The following RNGTT variants were observed in gnomAD, a reference collection of about 807,000 sequenced individuals.
RNGTT encodes RNA guanylyltransferase and 5'-phosphatase.
RNGTT carries 33 observed loss-of-function variants against 79.3 expected under a neutral mutation model. That is an observed-to-expected ratio of 0.42 (90% confidence interval 0.32 to 0.56). RNGTT has a LOEUF of 0.56. Among genes scored for constraint, RNGTT ranks in the 20% least tolerant of loss-of-function variants. The probability of loss-of-function intolerance (pLI) is 0.17; values close to 1 mark genes in which losing one functional copy is unlikely to be tolerated. For synonymous variants in RNGTT, 222 were observed against 235.9 expected (o/e 0.94, Z 0.54); for missense variants, 497 against 739.1 (o/e 0.67, Z 3.80).
chr6:88,798,782 G>A (rs1157112380), intron 12 of RNGTT, among the ~76,000 whole-genome samples: 1 of 152,154 alleles, frequency 6.6e-6, no homozygotes, highest in African/African-American at 2.4e-5. Context: ...TGGAAGAACA[G>A]AATCAGAAAT....
chr6:88,611,114 A>G lies in RNGTT; in HGVS notation c.*1605T>C, dbSNP rs1424780759. ...GGCGTTTTGGATAAATTCACTATAC[A>G]TTACATGACTTGGGAACAACGAAGA... On this transcript the variant is annotated 3_prime_UTR_variant, in exon 16 of 16. Transcript: ENST00000369485. 1 of 152,272 alleles carries G rather than the reference A, an allele frequency of 6.6e-6. No homozygotes were observed. Among genetic ancestry groups the G allele is most frequent in the Non-Finnish European group, 1.5e-5 (1 of 68,028 alleles). 9.4% of individuals were successfully genotyped at this position (152,272 alleles called of 1,614,324 possible).
intron 13 of RNGTT, among the ~76,000 whole-genome samples, chr6:88,681,100 A>G (rs1274363994): frequency 6.6e-6 from 1 of 152,218 alleles, no homozygotes; most frequent in Non-Finnish European, 1.5e-5. Context: ...TTTCCTATAT[A>G]ACAAATGTTC....
chr6:88,639,162 G>A (rs565075046), intron 14 of RNGTT, among the ~76,000 whole-genome samples: 8 of 152,068 alleles, frequency 5.3e-5, no homozygotes, highest in South Asian at 2.1e-4. Flanking sequence ...AGGAGGTAAC[G>A]TCTATTTCTT....
At chr6:88,900,086 T>C (rs1366688202) in intron 6 of RNGTT, among the ~76,000 whole-genome samples, 2 of 151,768 alleles carry the variant, frequency 1.3e-5, no homozygotes, top group Non-Finnish European at 2.9e-5. Context: ...ATTTACATAA[T>C]TTTTCATAAA....
intron 13 of RNGTT, among the ~76,000 whole-genome samples, chr6:88,727,781 G>A (rs1401598613): frequency 6.6e-6 from 1 of 152,154 alleles, no homozygotes; most frequent in African/African-American, 2.4e-5. Flanking sequence ...GTCCACTGCT[G>A]ATGTCCCCAC....
At chr6:88,679,731 G>A (rs9353587) in intron 13 of RNGTT, among the ~76,000 whole-genome samples, 17,662 of 152,170 alleles carry the variant, frequency 0.12, 1,140 homozygotes, top group Middle Eastern at 0.22. Context: ...TAAGGAACTG[G>A]TAGTGGTACA....
At chr6:88,640,636 G>A (rs1773279317) in intron 14 of RNGTT, among the ~76,000 whole-genome samples, 1 of 151,396 alleles carries the variant, frequency 6.6e-6, no homozygotes, top group Non-Finnish European at 1.5e-5. Flanking sequence ...TAACTGCCCA[G>A]TAGGCAGCTG....
intron 6 of RNGTT, 29 bp downstream of exon 6, chr6:88,904,686 A>C: frequency 1.9e-6 from 3 of 1,556,426 alleles, no homozygotes; most frequent in Non-Finnish European, 2.6e-6. Context: ...AGGAAAAAAA[A>C]AACCTATTAT....
At chr6:88,633,037 A>C (rs759379515) in intron 14 of RNGTT, among the ~76,000 whole-genome samples, 1 of 152,202 alleles carries the variant, frequency 6.6e-6, no homozygotes, top group African/African-American at 2.4e-5. Flanking sequence ...AGCATAGTTG[A>C]TGCTTGGCTT....
At chr6:88,912,722 C>T (rs1401889746) in intron 4 of RNGTT, among the ~76,000 whole-genome samples, 1 of 152,066 alleles carries the variant, frequency 6.6e-6, no homozygotes, top group Admixed American at 6.6e-5. Flanking sequence ...CGACCAACCA[C>T]ACAGAAATAC....
chr6:88,929,326 A>T, intron 2 of RNGTT, 59 bp from the exon 3 acceptor site: 1 of 1,062,522 alleles, frequency 9.4e-7, no homozygotes, highest in Non-Finnish European at 1.4e-6. Context: ...GTTCCCAAAT[A>T]AGTAGACTAA....
At chr6:88,933,929 T>A (rs1022783449) in intron 2 of RNGTT, among the ~76,000 whole-genome samples, 1 of 152,250 alleles carries the variant, frequency 6.6e-6, no homozygotes, top group Admixed American at 6.5e-5. Flanking sequence ...CTGTTTTCCA[T>A]GGTGGCTGTA....
chr6:88,897,339 A>G (rs889940663), intron 6 of RNGTT, among the ~76,000 whole-genome samples: 4 of 152,182 alleles, frequency 2.6e-5, no homozygotes, highest in African/African-American at 7.2e-5. Flanking sequence ...GGAAAAAATC[A>G]CAATCTCAAT....
At chr6:88,749,147 T>C (rs531426352) in intron 13 of RNGTT, among the ~76,000 whole-genome samples, 2 of 152,218 alleles carry the variant, frequency 1.3e-5, no homozygotes, top group South Asian at 4.1e-4. Flanking sequence ...CTAAAACAAC[T>C]GAACTTGCTA....
At chr6:88,696,342 A>T (rs1390033532) in intron 13 of RNGTT, among the ~76,000 whole-genome samples, 7 of 152,138 alleles carry the variant, frequency 4.6e-5, no homozygotes, top group South Asian at 2.1e-4. Flanking sequence ...TGGATAGTTG[A>T]TTTATTATTT....
chr6:88,610,151 T>C lies in RNGTT; in HGVS notation c.*2568A>G, dbSNP rs1329619138. On this transcript the variant is annotated 3_prime_UTR_variant, in exon 16 of 16. Coordinates refer to ENST00000369485, the MANE Select transcript of RNGTT (RefSeq NM_003800.5). ...AAAATAGAGGCTTTCCAAGTCTTTA[T>C]GCTAATCTCTACAAAGCCAGATGGA... 1 of 152,556 alleles carries C rather than the reference T, an allele frequency of 6.6e-6. No homozygotes were observed. Among genetic ancestry groups the C allele is most frequent in the Non-Finnish European group, 1.5e-5 (1 of 68,042 alleles). 9.5% of individuals were successfully genotyped at this position (152,556 alleles called of 1,614,324 possible).
intron 14 of RNGTT, among the ~76,000 whole-genome samples, chr6:88,673,445 T>C (rs1056780237): frequency 6.6e-6 from 1 of 152,240 alleles, no homozygotes; most frequent in Non-Finnish European, 1.5e-5. Flanking sequence ...ATTTGAACTA[T>C]GATTTTAAAA....
At chr6:88,742,472 C>T (rs1777525181) in intron 13 of RNGTT, among the ~76,000 whole-genome samples, 1 of 152,178 alleles carries the variant, frequency 6.6e-6, no homozygotes, top group Admixed American at 6.5e-5. Context: ...ATCATGATAG[C>T]TTTTTAAATC....
intron 6 of RNGTT, among the ~76,000 whole-genome samples, chr6:88,897,032 TAA>T (rs985209949): frequency 6.6e-6 from 1 of 152,116 alleles, no homozygotes; most frequent in Non-Finnish European, 1.5e-5. Flanking sequence ...GACAGCATTC[TAA>T]AACTAACATG....
Sources: allele counts gnomAD v4.1 joint callset (sites outside exome capture counted in the v4.1 genomes callset), GRCh38; gene constraint gnomAD v4.1.1; transcripts MANE v1.5; gene names NCBI Gene and HGNC (gene_info 2026-07-23, HGNC 2026-07-21).